AFG2A: variants seen among roughly 807,000 people sequenced by gnomAD.
The protein encoded by AFG2A is ATPase family gene 2 protein homolog A.
At chr4:123,163,675 T>C in the AFG2A span, among the ~76,000 whole-genome samples, 1 of 152,106 alleles carries the variant, frequency 6.6e-6, no homozygotes, top group African/African-American at 2.4e-5. Context: ...GGCTCCACAG[T>C]CCCTGAGGGA....
the AFG2A span, among the ~76,000 whole-genome samples, chr4:122,983,452 C>G: frequency 1.3e-5 from 2 of 152,002 alleles, no homozygotes; most frequent in Non-Finnish European, 2.9e-5. Flanking sequence ...TTGCTATAAA[C>G]TTTCCTCATA....
chr4:122,997,655 C>A, the AFG2A span, among the ~76,000 whole-genome samples: 1 of 152,098 alleles, frequency 6.6e-6, no homozygotes, highest in Non-Finnish European at 1.5e-5. Context: ...AGGTACATAT[C>A]TGGAAGTGGA....
the AFG2A span, among the ~76,000 whole-genome samples, chr4:123,199,479 T>C: frequency 7.2e-6 from 1 of 139,448 alleles, no homozygotes; most frequent in Non-Finnish European, 1.5e-5. Context: ...TTTTTTTTTT[T>C]TTTTTTTTTT....
chr4:122,997,062 A>G, the AFG2A span, among the ~76,000 whole-genome samples: 6 of 152,216 alleles, frequency 3.9e-5, no homozygotes, highest in Non-Finnish European at 8.8e-5. Context: ...ACACCCAGAA[A>G]TAATGCTTTA....
the AFG2A span, among the ~76,000 whole-genome samples, chr4:122,948,243 G>A: frequency 4.6e-5 from 7 of 151,968 alleles, no homozygotes; most frequent in Admixed American, 1.3e-4. Context: ...TAAATTATAC[G>A]GGAGGATGTG....
chr4:122,936,294 A>G, the AFG2A span: 6 of 453,216 alleles, frequency 1.3e-5, no homozygotes, highest in East Asian at 2.2e-4. Context: ...TATAGATCTA[A>G]TGAAATTCTA....
chr4:123,219,995 G>A, the AFG2A span, among the ~76,000 whole-genome samples: 3 of 151,862 alleles, frequency 2.0e-5, no homozygotes, highest in Admixed American at 1.3e-4. Context: ...TCAGCCTCCC[G>A]AGTAGCTGAG....
chr4:122,997,802 CTTGTTA>C, the AFG2A span, among the ~76,000 whole-genome samples: 27 of 152,066 alleles, frequency 1.8e-4, no homozygotes, highest in African/African-American at 6.3e-4. Flanking sequence ...TTTGCTAACA[CTTGTTA>C]TTATTTATCT....
At chr4:123,018,818 A>G in the AFG2A span, among the ~76,000 whole-genome samples, 7 of 136,148 alleles carry the variant, frequency 5.1e-5, no homozygotes, top group East Asian at 8.5e-4. Flanking sequence ...TTTTTTTTGT[A>G]TTTTTAGTAG....
the AFG2A span, among the ~76,000 whole-genome samples, chr4:123,031,748 GACTTAC>G: frequency 1.3e-5 from 2 of 152,190 alleles, no homozygotes; most frequent in African/African-American, 2.4e-5. Context: ...TATTTTGATA[GACTTAC>G]ACTTCTTCCT....
the AFG2A span, among the ~76,000 whole-genome samples, chr4:123,165,717 C>T: frequency 0.56 from 85,362 of 151,896 alleles, 26,922 homozygotes; most frequent in Non-Finnish European, 0.7. Context: ...TTTATGATAT[C>T]CTGCTCTGAA....
the AFG2A span, among the ~76,000 whole-genome samples, chr4:123,140,030 T>A: frequency 1.3e-5 from 2 of 152,042 alleles, no homozygotes; most frequent in African/African-American, 4.8e-5. Flanking sequence ...AGGGATTTAC[T>A]CTTTTCTTTG....
At chr4:123,190,780 G>C in the AFG2A span, among the ~76,000 whole-genome samples, 1 of 152,076 alleles carries the variant, frequency 6.6e-6, no homozygotes, top group African/African-American at 2.4e-5. Flanking sequence ...CACTCTATTT[G>C]GTTTTGTGAG....
chr4:123,099,994 T>C, the AFG2A span, among the ~76,000 whole-genome samples: 1 of 151,872 alleles, frequency 6.6e-6, no homozygotes, highest in Non-Finnish European at 1.5e-5. Context: ...AATTGAAGTA[T>C]GTTTAATATT....
the AFG2A span, among the ~76,000 whole-genome samples, chr4:122,925,432 A>C: frequency 5.3e-5 from 8 of 152,160 alleles, no homozygotes; most frequent in African/African-American, 1.7e-4. Flanking sequence ...AATGACCAGC[A>C]TCTTGATGCA....
the AFG2A span, among the ~76,000 whole-genome samples, chr4:123,199,337 T>G: frequency 1.3e-5 from 2 of 152,126 alleles, no homozygotes; most frequent in Non-Finnish European, 2.9e-5. Flanking sequence ...ATTTGGAAAA[T>G]TTAATGACCC....
chr4:122,978,650 G>A, the AFG2A span, among the ~76,000 whole-genome samples: 1 of 152,144 alleles, frequency 6.6e-6, no homozygotes, highest in African/African-American at 2.4e-5. Flanking sequence ...CAATCATGTC[G>A]TCCATGGTGC....
chr4:122,951,458 A>ACACACG, the AFG2A span, among the ~76,000 whole-genome samples: 2 of 150,842 alleles, frequency 1.3e-5, no homozygotes, highest in Non-Finnish European at 3.0e-5. Context: ...ACACACACAC[A>ACACACG]CGCACGCACA....
chr4:123,229,703 AT>A, the AFG2A span, among the ~76,000 whole-genome samples: 1 of 151,946 alleles, frequency 6.6e-6, no homozygotes, highest in Admixed American at 6.6e-5. Flanking sequence ...TTTCCTGAGA[AT>A]GGAAATATCG....
Sources: gnomAD v4.1 joint callset for allele counts (sites outside exome capture counted in the v4.1 genomes callset) on GRCh38, gnomAD v4.1.1 for gene constraint, MANE v1.5 for transcripts, NCBI Gene and HGNC (gene_info 2026-07-23, HGNC 2026-07-21) for gene names.